CNKSR2: variants seen among roughly 807,000 people sequenced by gnomAD.
CNKSR2 encodes the protein connector enhancer of kinase suppressor of Ras 2.
Under a neutral mutation model 84.4 loss-of-function variants are expected in CNKSR2, and 14 were observed. The ratio of observed to expected loss-of-function variants is 0.17; its 90% CI spans 0.11 to 0.26. The LOEUF (loss-of-function observed/expected upper bound fraction) is 0.26. Ranked by LOEUF, CNKSR2 falls within the 10% of genes least tolerant of loss-of-function variation. CNKSR2 has a pLI of 1.00. For missense variants in CNKSR2, 485 were observed against 771.2 expected (o/e 0.63, Z 4.40); for synonymous variants, 275 against 277.9 (o/e 0.99, Z 0.10).
At chrX:21,627,700 C>G (rs1419338707) in intron 20 of CNKSR2, among the ~76,000 whole-genome samples, 1 of 111,459 alleles carries the variant, frequency 9.0e-6, no homozygotes, top group South Asian at 3.8e-4. Context: ...GAGACTTATT[C>G]ACTATCATAA....
chrX:21,426,797 A>G, intron 2 of CNKSR2, 137 bp downstream of exon 2: 1 of 649,024 alleles, frequency 1.5e-6, no homozygotes, highest in Non-Finnish European at 2.3e-6. Flanking sequence ...GCTGGACCTG[A>G]TATTTTCTTC....
At chrX:21,599,545 A>G (rs1242073330) in intron 17 of CNKSR2, among the ~76,000 whole-genome samples, 3 of 110,726 alleles carry the variant, frequency 2.7e-5, no homozygotes, top group Non-Finnish European at 3.8e-5. Context: ...TTTTGTATTT[A>G]GTAGAGACTG....
intron 1 of CNKSR2, among the ~76,000 whole-genome samples, chrX:21,406,483 T>TTA (rs746669231): frequency 2.7e-5 from 3 of 111,480 alleles, no homozygotes; most frequent in East Asian, 5.6e-4. Context: ...TGGTAGCAGT[T>TTA]TATATATATA....
intron 20 of CNKSR2, among the ~76,000 whole-genome samples, chrX:21,627,838 C>A (rs1328747799): frequency 9.0e-6 from 1 of 110,988 alleles, no homozygotes; most frequent in Non-Finnish European, 1.9e-5. Flanking sequence ...TTATTCCACC[C>A]CTGGCCCCTC....
At chrX:21,590,368 T>G (rs988195738) in intron 13 of CNKSR2, among the ~76,000 whole-genome samples, 2 of 111,602 alleles carry the variant, frequency 1.8e-5, no homozygotes, top group Non-Finnish European at 3.8e-5. Flanking sequence ...CGGGTAAATA[T>G]AATATCCTTT....
rs571836677 is a variant in CNKSR2, at chrX:21,624,565, G to A, written c.2692+14948G>A. Among the ~76,000 whole-genome samples the A allele has an allele frequency of 7.3e-5, 8 of 110,340 alleles. No homozygotes were observed. The South Asian group carries it at 3.1e-3, about 43-fold the overall frequency. On this transcript the variant is annotated intron_variant, in intron 20 of 21. Transcript: ENST00000379510. Reference sequence around the variant, plus strand: ...CACTCTGTTGCCCAGGTTGGAGTGCGGTGGCGCGATCACAGCTCACTGCAA... The same window carrying A: ...CACTCTGTTGCCCAGGTTGGAGTGCAGTGGCGCGATCACAGCTCACTGCAA...
intron 11 of CNKSR2, chrX:21,538,203 C>T (rs939751881): frequency 1.8e-5 from 2 of 111,636 alleles, no homozygotes; most frequent in African/African-American, 6.5e-5. Context: ...TGGCTTTGCT[C>T]GTTGTAGTAG....
chrX:21,378,818 T>C (rs2146939810), intron 1 of CNKSR2, among the ~76,000 whole-genome samples: 1 of 111,464 alleles, frequency 9.0e-6, no homozygotes, highest in South Asian at 3.8e-4. Flanking sequence ...ATAGGCCCCA[T>C]TTTGCTTGTC....
chrX:21,433,788 C>T (rs2090669071), intron 3 of CNKSR2, among the ~76,000 whole-genome samples: 1 of 107,570 alleles, frequency 9.3e-6, no homozygotes, highest in Non-Finnish European at 1.9e-5. Context: ...GATAATTTTC[C>T]TTAATTTTAT....
intron 4 of CNKSR2, among the ~76,000 whole-genome samples, chrX:21,459,330 A>C (rs1448337775): frequency 8.9e-6 from 1 of 112,038 alleles, no homozygotes; most frequent in Non-Finnish European, 1.9e-5. Context: ...GGCTATCCTT[A>C]AGCTTCACCA....
chrX:21,627,463 C>A (rs1429745741), intron 20 of CNKSR2, among the ~76,000 whole-genome samples: 1 of 111,503 alleles, frequency 9.0e-6, no homozygotes, highest in Non-Finnish European at 1.9e-5. Context: ...CGTGCCACTG[C>A]ACTCCAGCCT....
intron 4 of CNKSR2, among the ~76,000 whole-genome samples, chrX:21,469,686 A>T (rs915247897): frequency 5.1e-4 from 57 of 110,924 alleles, no homozygotes; most frequent in African/African-American, 1.8e-3. Context: ...CGAGGCGGGC[A>T]GATCATCTGA....
chrX:21,375,577 G>A (rs1440402804), intron 1 of CNKSR2, among the ~76,000 whole-genome samples: 1 of 112,136 alleles, frequency 8.9e-6, no homozygotes, highest in Non-Finnish European at 1.9e-5. Context: ...CTTCCCCTGG[G>A]ACAGCATCCT....
At chrX:21,448,921 C>G (rs1177202334) in intron 4 of CNKSR2, among the ~76,000 whole-genome samples, 3 of 111,639 alleles carry the variant, frequency 2.7e-5, no homozygotes, top group Non-Finnish European at 5.6e-5. Flanking sequence ...TTGTAAATGA[C>G]AGCGGCAGGT....
At chrX:21,504,345 T>C (rs1159476809) in intron 8 of CNKSR2, 1 of 111,705 alleles carries the variant, frequency 9.0e-6, no homozygotes, top group Non-Finnish European at 1.9e-5. Context: ...TTGAAATACA[T>C]AACTAATATT....
chrX:21,521,316 A>T (rs1234215268), intron 9 of CNKSR2, among the ~76,000 whole-genome samples: 1 of 111,025 alleles, frequency 9.0e-6, no homozygotes, highest in Non-Finnish European at 1.9e-5. Context: ...TATGTTTTAC[A>T]TACTCAAATG....
At chrX:21,512,163 T>A in intron 8 of CNKSR2, among the ~76,000 whole-genome samples, 1 of 112,105 alleles carries the variant, frequency 8.9e-6, no homozygotes, top group African/African-American at 3.2e-5. Flanking sequence ...AATCTAGACA[T>A]GAGCAAGTCA....
At chrX:21,589,619 T>A (rs1355391465) in intron 13 of CNKSR2, among the ~76,000 whole-genome samples, 2 of 111,953 alleles carry the variant, frequency 1.8e-5, no homozygotes, top group Non-Finnish European at 3.8e-5. Flanking sequence ...TGATGTGTAG[T>A]CATTAATTGA....
chrX:21,473,037 G>A (rs975034318), intron 5 of CNKSR2, among the ~76,000 whole-genome samples: 7 of 110,843 alleles, frequency 6.3e-5, no homozygotes, highest in Non-Finnish European at 1.3e-4. Context: ...CCTAATAATT[G>A]ACTCATATTG....
Sources: allele counts gnomAD v4.1 joint callset (sites outside exome capture counted in the v4.1 genomes callset), GRCh38; gene constraint gnomAD v4.1.1; transcripts MANE v1.5; gene names NCBI Gene and HGNC (gene_info 2026-07-23, HGNC 2026-07-21).